Variants in CPVL observed in about 807,000 individuals in gnomAD.
CPVL encodes the protein probable serine carboxypeptidase CPVL.
CPVL carries 51 observed loss-of-function variants against 63.7 expected under a neutral mutation model. That is an observed-to-expected ratio of 0.80 (90% confidence interval 0.64 to 1.01). CPVL has a LOEUF of 1.01. Ranked by LOEUF, CPVL falls within the 50% of genes least tolerant of loss-of-function variation. The probability of loss-of-function intolerance (pLI) is 0.00; values close to 1 mark genes in which losing one functional copy is unlikely to be tolerated. For synonymous variants in CPVL, 195 were observed against 206.0 expected (o/e 0.95, Z 0.46); for missense variants, 530 against 573.1 (o/e 0.92, Z 0.77).
chr7:29,129,795 A>C (rs1427516005), intron 1 of CPVL, among the ~76,000 whole-genome samples: 1 of 152,134 alleles, frequency 6.6e-6, no homozygotes, highest in African/African-American at 2.4e-5. Flanking sequence ...CAACCTAATA[A>C]TTAGCTACAA....
At chr7:29,066,988 T>C (rs892978858) in intron 9 of CPVL, among the ~76,000 whole-genome samples, 1 of 151,954 alleles carries the variant, frequency 6.6e-6, no homozygotes, top group Admixed American at 6.6e-5. Flanking sequence ...ATTAGAGAAA[T>C]GGAGACTTGA....
chr7:29,119,467 C>G (rs1168487837), intron 2 of CPVL, among the ~76,000 whole-genome samples: 1 of 118,890 alleles, frequency 8.4e-6, no homozygotes, highest in Non-Finnish European at 1.6e-5. Flanking sequence ...AGCCTGGCAA[C>G]AGAGCAAGAT....
chr7:29,168,843 A>G (rs946786030), intron 5 of CPVL, among the ~76,000 whole-genome samples: 7 of 152,254 alleles, frequency 4.6e-5, no homozygotes, highest in African/African-American at 1.7e-4. Flanking sequence ...TTATGTGTGC[A>G]TGATTTTTAC....
chr7:29,146,599 A>G (rs770946319), upstream of CPVL: 6 of 1,550,382 alleles, frequency 3.9e-6, no homozygotes, highest in South Asian at 6.0e-5. Context: ...CCAGACCCAC[A>G]GGGCAAAAAG....
At position 29,092,683 on chromosome 7, in the gene CPVL, A is replaced by C; in HGVS notation, c.482T>G (p.Phe161Cys). ...TGCATATCCGTGGGTATCATCAGTA[A>C]AACTGAAGCCTGTGCCCACCTGCAG... ...IDNPVGTGFS[F>C]TDDTHGYAVN... Residue 161 changes from phenylalanine to cysteine, a missense_variant, in exon 6 of 13, where the codon TTT becomes TGT. Transcript: ENST00000265394. 3 of 1,613,676 alleles carry C rather than the reference A, an allele frequency of 1.9e-6. No individual in the cohort carries two copies. Among genetic ancestry groups the C allele is most frequent in the Non-Finnish European group, 2.5e-6 (3 of 1,179,590 alleles).
intron 12 of CPVL, among the ~76,000 whole-genome samples, chr7:29,026,127 G>A (rs780211914): frequency 5.9e-5 from 9 of 152,048 alleles, no homozygotes; most frequent in Non-Finnish European, 1.3e-4. Flanking sequence ...TATATTCTAA[G>A]ACTACAATGG....
chr7:29,102,367 A>G (rs549035391), intron 3 of CPVL, among the ~76,000 whole-genome samples: 45 of 152,302 alleles, frequency 3.0e-4, no homozygotes, highest in African/African-American at 1.1e-3. Context: ...GCAACTAAAT[A>G]AATGAGTGAT....
At chr7:29,101,167 T>C (rs1339552967) in intron 3 of CPVL, among the ~76,000 whole-genome samples, 1 of 152,194 alleles carries the variant, frequency 6.6e-6, no homozygotes, top group Non-Finnish European at 1.5e-5. Flanking sequence ...ATTGCAATAC[T>C]TAAGACCGAA....
Position 29,112,707 on chromosome 7 carries a change from AGC to A in CPVL, c.283_284del (p.Ala95SerfsTer37). On this transcript the variant is annotated frameshift_variant, in exon 3 of 13. Coordinates refer to ENST00000265394, the MANE Select transcript of CPVL (RefSeq NM_031311.5). ...GTTCTTTCTGTTGGGCACCTACCTGAGCTGGGAAGAACCAGAAGAAGAGGTTG... is the reference window on the plus strand; with the variant it reads ...GTTCTTTCTGTTGGGCACCTACCTGATGGGAAGAACCAGAAGAAGAGGTTG... ...NSNLFFWFFP[A>X]QIQPEDAPVV... 1.9e-6 allele frequency: 3 copies of A among 1,608,802 alleles called. No homozygotes were observed. The South Asian group carries it at 3.3e-5, about 18-fold the overall frequency.
At chr7:29,119,485 C>CAAAAAAAAAAAAAAAAAAAAAAAAAAAA in intron 2 of CPVL, among the ~76,000 whole-genome samples, 1 of 101,384 alleles carries the variant, frequency 9.9e-6, no homozygotes, top group Non-Finnish European at 1.9e-5. Flanking sequence ...GATTCTGTCT[C>CAAAAAAAAAAAAAAAAAAAAAAAAAAAA]AAAAAAAAAA....
intron 5 of CPVL, among the ~76,000 whole-genome samples, chr7:29,168,111 A>G (rs184896961): frequency 8.5e-5 from 13 of 152,362 alleles, no homozygotes; most frequent in Admixed American, 8.5e-4. Flanking sequence ...ATCATAACAT[A>G]CAGAATATCT....
At chr7:29,104,611 G>T (rs570813725) in intron 3 of CPVL, among the ~76,000 whole-genome samples, 2 of 152,226 alleles carry the variant, frequency 1.3e-5, no homozygotes, top group South Asian at 4.2e-4. Flanking sequence ...CGAAGCTCCT[G>T]ACTCTCATCA....
intron 10 of CPVL, 127 bp from the exon 11 acceptor site, chr7:29,064,361 C>T: frequency 1.9e-6 from 1 of 520,578 alleles, no homozygotes; most frequent in South Asian, 4.1e-5. Context: ...TAACTTGTCG[C>T]CATTCTTGAA....
At chr7:28,997,404 A>G (rs986654162) in intron 12 of CPVL, among the ~76,000 whole-genome samples, 8 of 152,236 alleles carry the variant, frequency 5.3e-5, no homozygotes, top group Non-Finnish European at 1.2e-4. Flanking sequence ...CAGAAAAAGT[A>G]TATTTGGATA....
chr7:29,116,209 A>C (rs1584306947), intron 2 of CPVL, among the ~76,000 whole-genome samples: 1 of 152,246 alleles, frequency 6.6e-6, no homozygotes, highest in Non-Finnish European at 1.5e-5. Flanking sequence ...CTCCTAAGGC[A>C]GACCTTGCTA....
intron 12 of CPVL, among the ~76,000 whole-genome samples, chr7:29,016,129 T>C (rs1404254529): frequency 2.0e-5 from 3 of 152,106 alleles, no homozygotes; most frequent in Non-Finnish European, 4.4e-5. Flanking sequence ...GGCTGGTGGA[T>C]CACCTGAGGT....
intron 12 of CPVL, among the ~76,000 whole-genome samples, chr7:29,005,989 CA>C (rs1247063927): frequency 6.6e-6 from 1 of 152,174 alleles, no homozygotes; most frequent in Non-Finnish European, 1.5e-5. Context: ...AGGAGTGCTG[CA>C]AGGACTTAGA....
rs1303748793 is a variant in CPVL at position 29,039,790 on chromosome 7, C to T, written c.1138-9031G>A. ...AGAAGGAGGCTTTGGTATCTCAGCACAACAGGAAAGCAAATTGTGCTTTTG... is the reference window on the plus strand; with the variant it reads ...AGAAGGAGGCTTTGGTATCTCAGCATAACAGGAAAGCAAATTGTGCTTTTG... On this transcript the variant is annotated intron_variant, in intron 11 of 12. Coordinates refer to ENST00000265394, the MANE Select transcript of CPVL (RefSeq NM_031311.5). Among the ~76,000 whole-genome samples, 4 of 152,176 alleles carry T rather than the reference C, an allele frequency of 2.6e-5. No homozygotes were observed. The South Asian group carries it at 6.2e-4, about 24-fold the overall frequency.
chr7:29,111,517 C>T lies in CPVL; in HGVS notation c.288+1187G>A, dbSNP rs771502107. ...CTTGCCTCACTCAACACAACACTGACGAAGAAATAAGAAGCCCTCTCTAGG... is the reference window on the plus strand; with the variant it reads ...CTTGCCTCACTCAACACAACACTGATGAAGAAATAAGAAGCCCTCTCTAGG... On this transcript the variant is annotated intron_variant, in intron 3 of 12. Coordinates refer to ENST00000265394, the MANE Select transcript of CPVL (RefSeq NM_031311.5). Among the ~76,000 whole-genome samples the T allele has an allele frequency of 7.9e-5, 12 of 152,320 alleles. No individual in the cohort carries two copies. In the East Asian group the frequency reaches 9.6e-4, roughly 12 times the overall value.
Sources: gnomAD v4.1 joint callset for allele counts (sites outside exome capture counted in the v4.1 genomes callset) on GRCh38, gnomAD v4.1.1 for gene constraint, MANE v1.5 for transcripts, NCBI Gene and HGNC (gene_info 2026-07-23, HGNC 2026-07-21) for gene names.